ESRRG: variants seen among roughly 807,000 people sequenced by gnomAD.
ESRRG encodes estrogen related receptor gamma.
A neutral mutation model predicts 44.0 loss-of-function variants in ESRRG; 13 were observed. That is an observed-to-expected ratio of 0.30 (90% CI 0.19 to 0.47). The LOEUF is 0.47. Among genes scored for constraint, ESRRG ranks in the 20% least tolerant of loss-of-function variants. ESRRG has a pLI of 1.00. For missense variants in ESRRG, 395 were observed against 580.6 expected (o/e 0.68, Z 3.29); for synonymous variants, 215 against 214.6 (o/e 1.00, Z -0.02).
intron 2 of ESRRG, among the ~76,000 whole-genome samples, chr1:216,672,472 T>C (rs1419848325): frequency 2.6e-5 from 4 of 152,232 alleles, no homozygotes; most frequent in Admixed American, 6.5e-5. Context: ...TCTCAAGATA[T>C]GGTCTGGATA....
At chr1:216,576,901 A>T (rs564787094) in intron 3 of ESRRG, among the ~76,000 whole-genome samples, 1 of 152,150 alleles carries the variant, frequency 6.6e-6, no homozygotes, top group African/African-American at 2.4e-5. Context: ...GAAATAAATG[A>T]GTCTGGCAAG....
intron 6 of ESRRG, among the ~76,000 whole-genome samples, chr1:216,511,434 A>AAACAAC (rs58208125): frequency 8.6e-4 from 130 of 151,294 alleles, no homozygotes; most frequent in Middle Eastern, 3.4e-3. Flanking sequence ...ATGATCACAT[A>AAACAAC]AACAACAACA....
intron 3 of ESRRG, among the ~76,000 whole-genome samples, chr1:216,570,625 C>T (rs969926207): frequency 1.3e-5 from 2 of 152,130 alleles, no homozygotes; most frequent in African/African-American, 4.8e-5. Context: ...AAATCAAAAG[C>T]ATATGACACT....
chr1:216,779,515 TAA>T (rs1491494776), intron 2 of ESRRG, among the ~76,000 whole-genome samples: 4 of 36,752 alleles, frequency 1.1e-4, no homozygotes, highest in African/African-American at 4.5e-4. Context: ...TATATATTTA[TAA>T]ATATAAATAT....
In ESRRG at chr1:216,826,188, C is replaced by CA. The variant is rs200086765; in HGVS notation, c.-14+113393dup. ...ATGAACCAAGCAAATTGTTTAAGGA[C>CA]AAAAAAAAAAAAAAACACACACACA... On this transcript the variant is annotated intron_variant, in intron 2 of 7. Transcript: ENST00000359162. Among the ~76,000 whole-genome samples, 765 of 142,976 alleles carry CA rather than the reference C, an allele frequency of 5.4e-3. 5 individuals carry two copies. Among genetic ancestry groups the CA allele is most frequent in the African/African-American group, 0.016 (632 of 39,788 alleles). 93.8% of individuals were successfully genotyped at this position (142,976 alleles called of 152,430 possible). A position where few individuals can be genotyped will look rare whatever the true frequency, so the allele number is the denominator to read the frequency against.
At chr1:216,940,475 G>A (rs1237283657) in intron 1 of ESRRG, among the ~76,000 whole-genome samples, 1 of 152,196 alleles carries the variant, frequency 6.6e-6, no homozygotes, top group Non-Finnish European at 1.5e-5. Flanking sequence ...AGCTCAGGGG[G>A]TGAGAAGGGA....
chr1:216,797,793 A>G (rs1336933689), intron 2 of ESRRG, among the ~76,000 whole-genome samples: 1 of 152,112 alleles, frequency 6.6e-6, no homozygotes, highest in Non-Finnish European at 1.5e-5. Flanking sequence ...TCACCTGCTT[A>G]AGGTAGTGTT....
chr1:216,945,010 C>T (rs2065844556), intron 1 of ESRRG, among the ~76,000 whole-genome samples: 1 of 152,050 alleles, frequency 6.6e-6, no homozygotes, highest in Admixed American at 6.6e-5. Flanking sequence ...GTTATTATGA[C>T]ATAACACTTC....
At chr1:216,571,161 C>A (rs1296508421) in intron 3 of ESRRG, among the ~76,000 whole-genome samples, 4 of 152,132 alleles carry the variant, frequency 2.6e-5, no homozygotes, top group African/African-American at 9.7e-5. Context: ...AAAAAATATG[C>A]ATGATCAATT....
chr1:216,875,881 G>A (rs959540789), intron 2 of ESRRG, among the ~76,000 whole-genome samples: 2 of 152,106 alleles, frequency 1.3e-5, no homozygotes, highest in Non-Finnish European at 2.9e-5. Flanking sequence ...CGGCAGATAT[G>A]AGCGTTCCAG....
chr1:216,895,353 A>G (rs1306395303), intron 2 of ESRRG, among the ~76,000 whole-genome samples: 2 of 152,176 alleles, frequency 1.3e-5, no homozygotes, highest in African/African-American at 4.8e-5. Context: ...AGACCTATTG[A>G]TCACTGGGAT....
At chr1:216,592,161 T>G (rs2057772899) in intron 3 of ESRRG, among the ~76,000 whole-genome samples, 2 of 152,060 alleles carry the variant, frequency 1.3e-5, no homozygotes, top group African/African-American at 4.8e-5. Context: ...ATAACTGGTC[T>G]GCAATCTTCA....
At position 216,927,230 on chromosome 1, in the gene ESRRG, T is replaced by C. The variant is rs547915336; in HGVS notation, c.-14+12352A>G. On this transcript the variant is annotated intron_variant, in intron 2 of 7. Coordinates refer to the ESRRG transcript ENST00000359162. ...TCTTCAAAGGCTCGATTTTTCTCTT[T>C]TGTAGCAAAATGGCAAGAGCCTATG... Among the ~76,000 whole-genome samples, 9 of 152,328 alleles carry C rather than the reference T, an allele frequency of 5.9e-5. No homozygotes were observed. The East Asian group carries it at 1.7e-3, about 29-fold the overall frequency.
intron 2 of ESRRG, among the ~76,000 whole-genome samples, chr1:216,787,599 C>CAAAAAAAA (rs34433548): frequency 1.3e-5 from 1 of 76,440 alleles, no homozygotes; most frequent in East Asian, 4.2e-4. Flanking sequence ...AAGACTCCAT[C>CAAAAAAAA]AAAAAAAAAA....
chr1:216,938,679 A>T (rs1036424983), intron 2 of ESRRG, among the ~76,000 whole-genome samples: 1 of 152,196 alleles, frequency 6.6e-6, no homozygotes, highest in Non-Finnish European at 1.5e-5. Context: ...GAAAGGCATC[A>T]TTGGCAGTGA....
intron 2 of ESRRG, among the ~76,000 whole-genome samples, chr1:216,848,302 A>G (rs1417820112): frequency 6.6e-6 from 1 of 152,080 alleles, no homozygotes; most frequent in African/African-American, 2.4e-5. Flanking sequence ...AGAAAGACTG[A>G]GCCCTACATG....
At chr1:217,119,446 T>A (rs1558282614) in intron 1 of ESRRG, among the ~76,000 whole-genome samples, 1 of 152,210 alleles carries the variant, frequency 6.6e-6, no homozygotes, top group South Asian at 2.1e-4. Context: ...CCTCTCTACA[T>A]CTGCCCTAAC....
chr1:216,673,899 A>G (rs1274741938), intron 2 of ESRRG, among the ~76,000 whole-genome samples: 3 of 152,196 alleles, frequency 2.0e-5, no homozygotes, highest in Admixed American at 2.0e-4. Context: ...TGTGGATAAG[A>G]GGACACTCCA....
At chr1:217,081,065 G>A (rs2091723610) in intron 1 of ESRRG, among the ~76,000 whole-genome samples, 1 of 151,958 alleles carries the variant, frequency 6.6e-6, no homozygotes, top group Non-Finnish European at 1.5e-5. Context: ...GCAATCTTGG[G>A]TAGAGTTTGC....
Sources: gnomAD v4.1 joint callset for allele counts (sites outside exome capture counted in the v4.1 genomes callset) on GRCh38, gnomAD v4.1.1 for gene constraint, MANE v1.5 for transcripts, NCBI Gene and HGNC (gene_info 2026-07-23, HGNC 2026-07-21) for gene names.